Variants in CFAP299 observed in about 807,000 individuals in gnomAD.
CFAP299 encodes the protein cilia- and flagella-associated protein 299.
CFAP299 carries 21 observed loss-of-function variants against 27.0 expected under a neutral mutation model. The ratio of observed to expected loss-of-function variants is 0.78; its 90% CI spans 0.55 to 1.12. CFAP299 has a LOEUF of 1.12. Among genes scored for constraint, CFAP299 ranks in the 50% most tolerant of loss-of-function variants. The probability of loss-of-function intolerance (pLI) is 0.00; values close to 1 mark genes in which losing one functional copy is unlikely to be tolerated. For missense variants in CFAP299, 310 were observed against 276.6 expected (o/e 1.12, Z -0.86); for synonymous variants, 104 against 98.1 (o/e 1.06, Z -0.36).
chr4:80,821,994 C>A (rs1268853814), intron 3 of CFAP299, among the ~76,000 whole-genome samples: 6 of 152,218 alleles, frequency 3.9e-5, no homozygotes, highest in African/African-American at 7.2e-5. Flanking sequence ...TAAAAAAGAA[C>A]CGCTGACGAT....
chr4:80,804,603 T>C (rs1417466424), intron 3 of CFAP299, among the ~76,000 whole-genome samples: 1 of 152,194 alleles, frequency 6.6e-6, no homozygotes, highest in Non-Finnish European at 1.5e-5. Flanking sequence ...CAAATATTTC[T>C]TTGAGATCCT....
chr4:80,878,698 C>T (rs1042162017), intron 4 of CFAP299, among the ~76,000 whole-genome samples: 2 of 151,954 alleles, frequency 1.3e-5, no homozygotes, highest in Admixed American at 1.3e-4. Context: ...CAGTTATTTT[C>T]ATTTAATTTT....
At chr4:80,634,172 T>TG (rs1739371081) in intron 3 of CFAP299, among the ~76,000 whole-genome samples, 4 of 151,686 alleles carry the variant, frequency 2.6e-5, no homozygotes, top group Admixed American at 1.3e-4. Flanking sequence ...TTAGTAGAGA[T>TG]GGGGTTTCAC....
intron 4 of CFAP299, among the ~76,000 whole-genome samples, chr4:80,875,030 T>C (rs1733297896): frequency 6.6e-6 from 1 of 152,220 alleles, no homozygotes; most frequent in South Asian, 2.1e-4. Flanking sequence ...TCTTTTTATT[T>C]GTTTTTAATG....
intron 1 of CFAP299, among the ~76,000 whole-genome samples, chr4:80,344,914 A>G (rs576057253): frequency 6.6e-6 from 1 of 152,330 alleles, no homozygotes; most frequent in African/African-American, 2.4e-5. Context: ...CAATAGATGC[A>G]GAAAAGACCT....
intron 2 of CFAP299, chr4:80,387,172 C>T (rs1725058580): frequency 2.9e-6 from 4 of 1,356,686 alleles, no homozygotes; most frequent in South Asian, 1.2e-5. Context: ...TGGGGCTGTG[C>T]TGTGGAAGGA....
intron 2 of CFAP299, among the ~76,000 whole-genome samples, chr4:80,397,367 G>T (rs1282772878): frequency 1.3e-5 from 2 of 151,768 alleles, no homozygotes; most frequent in Non-Finnish European, 2.9e-5. Context: ...GGGTTTTTTT[G>T]CGTCTCTATC....
At chr4:80,496,350 A>T (rs1731438391) in intron 2 of CFAP299, among the ~76,000 whole-genome samples, 1 of 152,196 alleles carries the variant, frequency 6.6e-6, no homozygotes. Flanking sequence ...ACCCTAGGTC[A>T]TTGTTCTTAG....
At chr4:80,324,047 C>T in the CFAP299 span, among the ~76,000 whole-genome samples, 3 of 152,082 alleles carry the variant, frequency 2.0e-5, no homozygotes, top group Non-Finnish European at 4.4e-5. Context: ...TATACATGTG[C>T]CATGGTGGTT....
At chr4:80,861,147 T>G (rs375661030) in intron 3 of CFAP299, among the ~76,000 whole-genome samples, 31 of 152,302 alleles carry the variant, frequency 2.0e-4, no homozygotes, top group African/African-American at 7.0e-4. Flanking sequence ...GCTGCCACCT[T>G]GCAGTTTGAT....
rs191855924 is a variant in CFAP299 at position 80,709,402 on chromosome 4, G to T, written c.333+126219G>T. Among the ~76,000 whole-genome samples the T allele has an allele frequency of 2.4e-4, 36 of 152,196 alleles. No individual in the cohort carries two copies. In the East Asian group the frequency reaches 6.8e-3, roughly 29 times the overall value. ...TAAATAATCTGGATTAAATATCAGG[G>T]TTGTCAGAAACACAGTTACAAAGTG... On this transcript the variant is annotated intron_variant, in intron 3 of 5. Transcript: ENST00000358105.
chr4:80,763,680 G>A (rs1469170660), intron 3 of CFAP299, among the ~76,000 whole-genome samples: 2 of 152,210 alleles, frequency 1.3e-5, no homozygotes, highest in East Asian at 3.9e-4. Context: ...AAATCTGGAG[G>A]CATCACGCTA....
intron 3 of CFAP299, among the ~76,000 whole-genome samples, chr4:80,632,620 TTACA>T (rs1739269939): frequency 6.6e-6 from 1 of 152,098 alleles, no homozygotes; most frequent in South Asian, 2.1e-4. Context: ...GCAGATTAAC[TTACA>T]TATATATACA....
At chr4:80,780,152 T>C (rs1323983573) in intron 3 of CFAP299, among the ~76,000 whole-genome samples, 1 of 152,100 alleles carries the variant, frequency 6.6e-6, no homozygotes, top group East Asian at 1.9e-4. Flanking sequence ...CAAATCCTAC[T>C]TCTTCTTTAA....
chr4:80,602,478 C>T (rs1428062814), intron 3 of CFAP299, among the ~76,000 whole-genome samples: 1 of 152,064 alleles, frequency 6.6e-6, no homozygotes, highest in African/African-American at 2.4e-5. Flanking sequence ...TTCAAGAGAA[C>T]TAATTGAACA....
intron 1 of CFAP299, among the ~76,000 whole-genome samples, chr4:80,343,652 G>A (rs548429638): frequency 5.0e-4 from 76 of 151,922 alleles, no homozygotes; most frequent in Admixed American, 9.2e-4. Flanking sequence ...AGCCAGGCGC[G>A]GTGGCGGGCG....
chr4:80,357,015 T>C (rs370153146), intron 1 of CFAP299, among the ~76,000 whole-genome samples: 93 of 152,304 alleles, frequency 6.1e-4, no homozygotes, highest in African/African-American at 2.2e-3. Flanking sequence ...GTTCCTTCAA[T>C]ACCTGGTTTA....
chr4:80,331,542 C>T (rs1721940163), upstream of CFAP299, among the ~76,000 whole-genome samples: 3 of 152,088 alleles, frequency 2.0e-5, no homozygotes, highest in Admixed American at 1.3e-4. Context: ...GAAATTTAAG[C>T]CTTCAAGAGA....
At chr4:80,529,647 A>G (rs1733368054) in intron 2 of CFAP299, among the ~76,000 whole-genome samples, 1 of 152,160 alleles carries the variant, frequency 6.6e-6, no homozygotes, top group Admixed American at 6.5e-5. Context: ...CTATCTTGAA[A>G]CTGATGTTTT....
Sources: gnomAD v4.1 joint callset for allele counts (sites outside exome capture counted in the v4.1 genomes callset) on GRCh38, gnomAD v4.1.1 for gene constraint, MANE v1.5 for transcripts, NCBI Gene and HGNC (gene_info 2026-07-23, HGNC 2026-07-21) for gene names.